ATP2C1: variants seen among roughly 807,000 people sequenced by gnomAD.
ATP2C1 encodes the protein ATPase secretory pathway Ca2+ transporting 1.
Under a neutral mutation model 120.5 loss-of-function variants are expected in ATP2C1, and 31 were observed. The ratio of observed to expected loss-of-function variants is 0.26; its 90% CI spans 0.19 to 0.35. The LOEUF (loss-of-function observed/expected upper bound fraction) is 0.35, where lower values mean the gene tolerates loss of function less well. Among genes scored for constraint, ATP2C1 ranks in the 10% least tolerant of loss-of-function variants. ATP2C1 has a pLI of 1.00. For synonymous variants in ATP2C1, 351 were observed against 358.7 expected, an observed-to-expected ratio of 0.98 and a Z score of 0.24; for missense variants, 731 against 1,107.5, an observed-to-expected ratio of 0.66 and a Z score of 4.83.
At chr3:130,917,421 T>G (rs1036912395) in intron 2 of ATP2C1, among the ~76,000 whole-genome samples, 1 of 152,246 alleles carries the variant, frequency 6.6e-6, no homozygotes, top group Non-Finnish European at 1.5e-5. Flanking sequence ...ATTTGTTTTA[T>G]CTAAGTAAGA....
chr3:130,942,853 G>A (rs1348063735), intron 8 of ATP2C1, among the ~76,000 whole-genome samples: 2 of 152,126 alleles, frequency 1.3e-5, no homozygotes, highest in Admixed American at 1.3e-4. Flanking sequence ...CAGAGATTAA[G>A]TAGTCTTGTC....
At chr3:130,934,754 A>G (rs1347501313) in intron 5 of ATP2C1, 43 bp downstream of exon 5, 2 of 1,310,528 alleles carry the variant, frequency 1.5e-6, no homozygotes, top group Non-Finnish European at 2.2e-6. Flanking sequence ...GAGTAAGTGT[A>G]TAAATTGGGA....
chr3:130,894,408 G>A lies in ATP2C1; in HGVS notation c.-181+71G>A. The A allele has an allele frequency of 8.3e-7, 1 of 1,203,232 alleles. No homozygotes were observed. The highest frequency in any genetic ancestry group is 4.6e-5 in the East Asian group (1 of 21,724). 74.5% of individuals were successfully genotyped at this position (1,203,232 alleles called of 1,614,324 possible). On this transcript the variant is annotated intron_variant, in intron 1 of 27. Transcript: ENST00000510168. The surrounding 1 kb of genome is among the most constrained non-coding windows in gnomAD (Gnocchi z 4.5). ...GGTTCTGAAGGAAGGGGAGGTTCGGGTATCCCCTGGATGGGGGGGCATCTC... is the reference window on the plus strand; with the variant it reads ...GGTTCTGAAGGAAGGGGAGGTTCGGATATCCCCTGGATGGGGGGGCATCTC...
chr3:130,965,984 G>A (rs2061032744), intron 14 of ATP2C1, among the ~76,000 whole-genome samples: 1 of 152,148 alleles, frequency 6.6e-6, no homozygotes, highest in African/African-American at 2.4e-5. Flanking sequence ...TCACTGTGCA[G>A]TAGTTCTTCC....
chr3:130,955,128 C>A lies in ATP2C1; in HGVS notation c.756+48C>A, dbSNP rs769626209. 9 of 1,266,598 alleles carry A rather than the reference C, an allele frequency of 7.1e-6. No individual in the cohort carries two copies. The East Asian group carries it at 2.1e-4, about 29-fold the overall frequency. 78.5% of individuals were successfully genotyped at this position (1,266,598 alleles called of 1,614,324 possible). A position where few individuals can be genotyped will look rare whatever the true frequency, so the allele number is the denominator to read the frequency against. On this transcript the variant is annotated intron_variant, in intron 10 of 27. Coordinates refer to ENST00000510168, the MANE Select transcript of ATP2C1 (RefSeq NM_001378687.1). The stretch of plus-strand genomic sequence containing the variant: ...ATGTATTTGTTCCAAATCTGAAATT[C>A]TTCATTGTAAGTAGAGAATGTTGGA...
At position 130,876,036 on chromosome 3, in the gene ATP2C1, C is replaced by T. The variant is rs141143498; in HGVS notation, c.108+25108C>T. Among the ~76,000 whole-genome samples the T allele has an allele frequency of 7.7e-3, 1,166 of 151,758 alleles. 23 individuals are homozygous for T. Among genetic ancestry groups the T allele is most frequent in the African/African-American group, 0.026 (1,076 of 41,414 alleles). On this transcript the variant is annotated intron_variant, in intron 1 of 26. Transcript: ENST00000504381. Reference sequence around the variant, plus strand: ...TCCTTGTATATCCTGGATATTTTGTCAGGTAAATAGTTTGCAAATATTTAT... The same window carrying T: ...TCCTTGTATATCCTGGATATTTTGTTAGGTAAATAGTTTGCAAATATTTAT...
At chr3:130,977,644 G>A (rs1047947393) in intron 18 of ATP2C1, among the ~76,000 whole-genome samples, 2 of 152,290 alleles carry the variant, frequency 1.3e-5, no homozygotes, top group South Asian at 4.1e-4. Context: ...GGAGGTTTGT[G>A]TATGTGTGTT....
intron 1 of ATP2C1, among the ~76,000 whole-genome samples, chr3:130,872,187 C>G (rs1048315889): frequency 4.6e-5 from 7 of 152,086 alleles, no homozygotes; most frequent in Non-Finnish European, 1.0e-4. Context: ...AAGATATAAT[C>G]CTTGTTAGGT....
At chr3:130,871,178 G>A (rs1030693712) in intron 1 of ATP2C1, among the ~76,000 whole-genome samples, 1 of 152,154 alleles carries the variant, frequency 6.6e-6, no homozygotes, top group African/African-American at 2.4e-5. Flanking sequence ...TATGCACTGG[G>A]AAACCAAAAA....
At chr3:130,912,791 G>A (rs1172869315) in intron 2 of ATP2C1, among the ~76,000 whole-genome samples, 6 of 151,440 alleles carry the variant, frequency 4.0e-5, no homozygotes, top group Non-Finnish European at 8.8e-5. Flanking sequence ...CTGCTATAAA[G>A]ACACATGCAC....
At position 130,956,145 on chromosome 3, in the gene ATP2C1, A is replaced by G. The variant is rs745859303; in HGVS notation, c.798A>G (p.Gly266=). The G allele has an allele frequency of 5.0e-6, 8 of 1,610,610 alleles. No homozygotes were observed. The Admixed American group carries it at 8.3e-5, about 17-fold the overall frequency. Residue 266 remains glycine, a synonymous_variant, in exon 11 of 28, where the codon GGA becomes GGG. Transcript: ENST00000510168. ...TGCAGAAGAGCATGGACCTCTTAGG[A>G]AAACAACTTTCCTTTTACTCCTTTG... is the stretch of plus-strand genomic sequence containing the variant. The part of the protein sequence containing the change: ...TPLQKSMDLL[G]KQLSFYSFGI...
At position 130,994,056 on chromosome 3, in the gene ATP2C1, C is replaced by T. The variant is rs1429983535; in HGVS notation, c.2015C>T (p.Ala672Val). The stretch of plus-strand genomic sequence containing the variant: ...ACTGGTACAGATGTTTGCAAAGAGG[C>T]AGCAGACATGATCCTAGTGGATGAT... Reference protein sequence around the residue: ...GQTGTDVCKEAADMILVDDDF... With the variant: ...GQTGTDVCKEVADMILVDDDF... The change falls in exon 22 of 28, where the codon GCA (alanine) becomes GTA (valine). Residue 672 changes from alanine (A) to valine (V), a missense_variant. Ala to Val is a moderately conservative substitution (Grantham distance 64). Around this residue, in one of 3 missense-constraint regions of ATP2C1, gnomAD observed 571 missense variants for 845.9 expected, o/e 0.67. Coordinates refer to ENST00000510168, the MANE Select transcript of ATP2C1 (RefSeq NM_001378687.1). 6.2e-7 allele frequency: 1 copy of T among 1,614,010 alleles called. No individual in the cohort carries two copies. The highest frequency in any genetic ancestry group is 8.5e-7 in the Non-Finnish European group (1 of 1,180,012).
At chr3:130,956,391 A>G (rs1282293879) in intron 11 of ATP2C1, among the ~76,000 whole-genome samples, 1 of 152,112 alleles carries the variant, frequency 6.6e-6, no homozygotes, top group Non-Finnish European at 1.5e-5. Flanking sequence ...TTCTTGAAAC[A>G]TTTTAGTATT....
In ATP2C1 at chr3:131,001,243, A is replaced by G; in HGVS notation, c.2653A>G (p.Thr885Ala). 6.2e-7 allele frequency: 1 copy of G among 1,613,766 alleles called. No homozygotes were observed. The highest frequency in any genetic ancestry group is 1.1e-5 in the South Asian group (1 of 91,074). ...ILDLLFLLGL[T>A]SSVCIVAEII... is the part of the protein sequence containing the mutation. ...AGATCTGTTGTTTCTTTTGGGTCTC[A>G]CCTCATCAGTGTGCATAGTGGCAGA... Residue 885 changes from threonine to alanine, a missense_variant, in exon 28 of 28, where the codon ACC (threonine) becomes GCC (alanine). Physicochemically the swap from Thr to Ala is moderately conservative, Grantham distance 58 (BLOSUM62 0). Around this residue, in one of 3 missense-constraint regions of ATP2C1, gnomAD observed 141 missense variants for 201.6 expected, o/e 0.70. Transcript: ENST00000510168.
intron 17 of ATP2C1, among the ~76,000 whole-genome samples, chr3:130,970,187 G>A (rs1480267641): frequency 2.0e-5 from 3 of 151,972 alleles, no homozygotes; most frequent in African/African-American, 7.2e-5. Flanking sequence ...GTGTGGTGGT[G>A]TGTGCCTGTA....
intron 2 of ATP2C1, among the ~76,000 whole-genome samples, chr3:130,905,903 G>A (rs570056917): frequency 1.3e-5 from 2 of 152,162 alleles, no homozygotes; most frequent in African/African-American, 4.8e-5. Flanking sequence ...CTTGGGAATT[G>A]ATATCAGCTG....
rs2061654345 is a variant in ATP2C1 at position 130,979,270 on chromosome 3, C to T, written c.1592C>T (p.Pro531Leu). 6 of 1,613,314 alleles carry T rather than the reference C, an allele frequency of 3.7e-6. No homozygotes were observed. Among genetic ancestry groups the T allele is most frequent in the Non-Finnish European group, 4.2e-6 (5 of 1,179,672 alleles). ...GLRVLALASG[P>L]ELGQLTFLGL... ...TAAGTTCTTGCTTTGGCTTCTGGTCCTGAACTGGGACAGCTGACATTTCTT... is the reference window on the plus strand; with the variant it reads ...TAAGTTCTTGCTTTGGCTTCTGGTCTTGAACTGGGACAGCTGACATTTCTT... The change falls in exon 19 of 28, where the codon CCT becomes CTT. Residue 531 changes from proline to leucine, a missense_variant. Physicochemically the swap from Pro to Leu is moderately conservative, Grantham distance 98. Around this residue, in one of 3 missense-constraint regions of ATP2C1, gnomAD observed 571 missense variants for 845.9 expected, o/e 0.67. Coordinates refer to ENST00000510168, the MANE Select transcript of ATP2C1 (RefSeq NM_001378687.1).
chr3:130,893,023 CTTTT>C (rs2069242392), upstream of ATP2C1, among the ~76,000 whole-genome samples: 1 of 152,168 alleles, frequency 6.6e-6, no homozygotes. Flanking sequence ...CGGAAATTTT[CTTTT>C]GAGTTCTCTG....
chr3:130,915,198 A>G (rs2058628233), intron 2 of ATP2C1, among the ~76,000 whole-genome samples: 1 of 151,450 alleles, frequency 6.6e-6, no homozygotes, highest in Non-Finnish European at 1.5e-5. Flanking sequence ...GGTTCAAGCG[A>G]TTCTCTTGTC....
Sources: allele counts gnomAD v4.1 joint callset (sites outside exome capture counted in the v4.1 genomes callset), GRCh38; gene constraint gnomAD v4.1.1; regional missense constraint gnomAD v4.1.1; non-coding constraint Gnocchi (gnomAD v3.1); transcripts MANE v1.5; gene names NCBI Gene and HGNC (gene_info 2026-07-23, HGNC 2026-07-21).